The following UGT1A3 variants were observed in gnomAD, a reference collection of about 807,000 sequenced individuals.
The protein encoded by UGT1A3 is UDP glucuronosyltransferase family 1 member A3, also known as UDP-glucuronosyltransferase 1A3.
UGT1A3 carries 31 observed loss-of-function variants against 41.0 expected under a neutral mutation model. The observed-to-expected ratio is 0.76, with a 90% CI of 0.57 to 1.02. The LOEUF (loss-of-function observed/expected upper bound fraction) is 1.02. Ranked by LOEUF, UGT1A3 falls within the 50% of genes least tolerant of loss-of-function variation. The pLI, the probability that UGT1A3 is intolerant of heterozygous loss-of-function variation, is 0.00. For synonymous variants in UGT1A3, 262 were observed against 257.6 expected, an observed-to-expected ratio of 1.02 and a Z score of -0.17; for missense variants, 737 against 671.0, an observed-to-expected ratio of 1.10 and a Z score of -1.09.
chr2:233,771,098 A>C (rs1387885615), intron 4 of UGT1A3: 1 of 152,210 alleles, frequency 6.6e-6, no homozygotes, highest in Non-Finnish European at 1.5e-5. Flanking sequence ...TATCAGGAAG[A>C]CAGCACTAAA....
intron 1 of UGT1A3, among the ~76,000 whole-genome samples, chr2:233,746,735 T>A (rs1693464180): frequency 6.6e-6 from 1 of 151,806 alleles, no homozygotes; most frequent in African/African-American, 2.4e-5. Context: ...GGATTCTGCT[T>A]TGGTTCCAAA....
In UGT1A3 at chr2:233,761,002, CAG is replaced by C. The variant is rs797046091; in HGVS notation, c.868-6025_868-6024del. On this transcript the variant is annotated intron_variant, in intron 1 of 4. Coordinates refer to ENST00000482026, the MANE Select transcript of UGT1A3 (RefSeq NM_019093.4). The stretch of plus-strand genomic sequence containing the variant: ...TGCAACCCTTGCCTCAGAATTCCTT[CAG>C]AGAGAGGTGACTGTCCAGGACCTAT... The C allele has an allele frequency of 1.5e-5, 25 of 1,614,060 alleles. No individual in the cohort carries two copies. Among genetic ancestry groups the C allele is most frequent in the Non-Finnish European group, 2.0e-5 (24 of 1,180,054 alleles).
At chr2:233,760,058 T>C (rs749323547) in intron 1 of UGT1A3, among the ~76,000 whole-genome samples, 16 of 152,188 alleles carry the variant, frequency 1.1e-4, no homozygotes, top group Non-Finnish European at 2.1e-4. Context: ...CTCAAGAATG[T>C]GATTTGAGTA....
In UGT1A3 at chr2:233,729,914, T is replaced by C. The variant is rs774517230; in HGVS notation, c.788T>C (p.Met263Thr). The C allele has an allele frequency of 4.5e-5, 73 of 1,613,908 alleles. No individual in the cohort carries two copies. The highest frequency in any genetic ancestry group is 5.8e-5 in the Non-Finnish European group (68 of 1,179,914). The change falls in exon 1 of 5, where the codon ATG (methionine) becomes ACG (threonine). Residue 263 changes from methionine (M) to threonine (T), a missense_variant. Coordinates refer to ENST00000482026, the MANE Select transcript of UGT1A3 (RefSeq NM_019093.4). ...SVWLFRGDFVMDYPRPIMPNM... is the reference protein window; with the variant it reads ...SVWLFRGDFVTDYPRPIMPNM... ...TGGCTGTTCCGAGGGGACTTTGTGA[T>C]GGACTACCCCAGGCCAATCATGCCC...
chr2:233,768,737 C>A (rs947383404), intron 4 of UGT1A3, among the ~76,000 whole-genome samples: 9 of 151,868 alleles, frequency 5.9e-5, no homozygotes, highest in Admixed American at 5.2e-4. Flanking sequence ...TGTCCACCAC[C>A]ACGCCCGGTT....
At chr2:233,761,135 A>G (rs755308142) in intron 1 of UGT1A3, 1 of 1,614,240 alleles carries the variant, frequency 6.2e-7, no homozygotes. Context: ...TGCCTTCACC[A>G]AAATCCACTA....
At chr2:233,760,316 C>T in intron 1 of UGT1A3, 1 of 1,614,002 alleles carries the variant, frequency 6.2e-7, no homozygotes, top group South Asian at 1.1e-5. Flanking sequence ...GGCGGACGCC[C>T]ACTTGTCCTG....
Position 233,772,456 on chromosome 2 carries a change from T to C in UGT1A3, c.1502T>C (p.Leu501Pro), listed in dbSNP as rs763440969. ...ATTGGTTTCCTCTTGGCCGTCGTGCTGACAGTGGCCTTCATCACCTTTAAA... is the reference window on the plus strand; with the variant it reads ...ATTGGTTTCCTCTTGGCCGTCGTGCCGACAGTGGCCTTCATCACCTTTAAA... ...DVIGFLLAVV[L>P]TVAFITFKCC... Residue 501 changes from leucine to proline, a missense_variant, in exon 5 of 5, where the codon CTG (leucine) becomes CCG (proline). Physicochemically the swap from Leu to Pro is moderately conservative, Grantham distance 98. Coordinates refer to ENST00000482026, the MANE Select transcript of UGT1A3 (RefSeq NM_019093.4). The C allele has an allele frequency of 4.3e-6, 7 of 1,614,218 alleles. No individual in the cohort carries two copies. The highest frequency in any genetic ancestry group is 5.9e-6 in the Non-Finnish European group (7 of 1,180,044).
intron 1 of UGT1A3, among the ~76,000 whole-genome samples, chr2:233,732,817 G>A (rs1434078778): frequency 7.7e-6 from 1 of 130,138 alleles, no homozygotes; most frequent in Non-Finnish European, 1.6e-5. Flanking sequence ...GATTCCATAT[G>A]AACTTTAAAG....
At chr2:233,743,673 G>C (rs1692427758) in intron 1 of UGT1A3, 4 of 1,367,190 alleles carry the variant, frequency 2.9e-6, no homozygotes, top group Middle Eastern at 4.2e-4. Context: ...TCCTCGAAGG[G>C]CCTGCCGCCT....
intron 1 of UGT1A3, chr2:233,754,697 C>T (rs1559399199): frequency 1.4e-5 from 7 of 503,130 alleles, no homozygotes; most frequent in Admixed American, 1.2e-4. Flanking sequence ...CAGTGGAAGT[C>T]GACATGGACT....
chr2:233,747,316 C>T lies in UGT1A3; in HGVS notation c.867+17323C>T, dbSNP rs1693620953. The T allele has an allele frequency of 6.9e-6, 11 of 1,603,150 alleles. No homozygotes were observed. In the South Asian group the frequency reaches 1.2e-4, roughly 18 times the overall value. On this transcript the variant is annotated intron_variant, in intron 1 of 4. Coordinates refer to ENST00000482026, the MANE Select transcript of UGT1A3 (RefSeq NM_019093.4). ...TGAGAGTGGGAAGGTGCTGGTGGTA[C>T]CCATTGATGGCAGCCACTGGCTCGC... is the stretch of plus-strand genomic sequence containing the variant.
At chr2:233,764,368 C>T (rs546564495) in intron 1 of UGT1A3, among the ~76,000 whole-genome samples, 6 of 152,276 alleles carry the variant, frequency 3.9e-5, no homozygotes, top group Non-Finnish European at 8.8e-5. Context: ...TAGTAGCTGG[C>T]TCAGGTAGGA....
chr2:233,741,522 A>C (rs1173490557), intron 1 of UGT1A3: 1 of 151,908 alleles, frequency 6.6e-6, no homozygotes, highest in African/African-American at 2.4e-5. Flanking sequence ...AAGCCTTAAC[A>C]GTCTGTCTTA....
In UGT1A3 at chr2:233,769,577, T is replaced by C. The variant is rs780547888; in HGVS notation, c.1307+1138T>C. 1 of 1,612,862 alleles carries C rather than the reference T, an allele frequency of 6.2e-7. No homozygotes were observed. The highest frequency in any genetic ancestry group is 1.1e-5 in the South Asian group (1 of 91,064). ...ACAGATGTGAAGAGCTGGAGCATGTTCAGATGAGAGGAGACGGAACACGGG... is the reference window on the plus strand; with the variant it reads ...ACAGATGTGAAGAGCTGGAGCATGTCCAGATGAGAGGAGACGGAACACGGG... On this transcript the variant is annotated intron_variant, in intron 4 of 4. Transcript: ENST00000482026. The surrounding 1 kb of genome is among the most constrained non-coding windows in gnomAD (Gnocchi z 4.4).
At chr2:233,731,212 T>A (rs1194990804) in intron 1 of UGT1A3, among the ~76,000 whole-genome samples, 1 of 152,156 alleles carries the variant, frequency 6.6e-6, no homozygotes, top group Non-Finnish European at 1.5e-5. Context: ...TACGTGTTTA[T>A]TTAGATTTGT....
intron 1 of UGT1A3, among the ~76,000 whole-genome samples, chr2:233,762,341 A>C (rs1325926558): frequency 6.6e-6 from 1 of 152,206 alleles, no homozygotes; most frequent in Non-Finnish European, 1.5e-5. Flanking sequence ...AGCTCTTTTT[A>C]GTTCTTTGTA....
chr2:233,730,749 A>G (rs1471085496), intron 1 of UGT1A3, among the ~76,000 whole-genome samples: 3 of 152,116 alleles, frequency 2.0e-5, no homozygotes, highest in Non-Finnish European at 2.9e-5. Context: ...TAGGGAGGAG[A>G]TAAGACTGTG....
At position 233,729,918 on chromosome 2, in the gene UGT1A3, C is replaced by T. The variant is rs748265194; in HGVS notation, c.792C>T (p.Asp264=). ...TGTTCCGAGGGGACTTTGTGATGGA[C>T]TACCCCAGGCCAATCATGCCCAACA... is the stretch of plus-strand genomic sequence containing the variant. ...VWLFRGDFVM[D]YPRPIMPNMV... is the part of the protein sequence containing the mutation. Residue 264 remains aspartate (D), a synonymous_variant, in exon 1 of 5, where the codon GAC becomes GAT. Coordinates refer to ENST00000482026, the MANE Select transcript of UGT1A3 (RefSeq NM_019093.4). The T allele has an allele frequency of 6.2e-7, 1 of 1,613,918 alleles. No individual in the cohort carries two copies. The highest frequency in any genetic ancestry group is 1.3e-5 in the African/African-American group (1 of 74,910).
Sources: allele counts gnomAD v4.1 joint callset (sites outside exome capture counted in the v4.1 genomes callset), GRCh38; gene constraint gnomAD v4.1.1; non-coding constraint Gnocchi (gnomAD v3.1); transcripts MANE v1.5; gene names NCBI Gene and HGNC (gene_info 2026-07-23, HGNC 2026-07-21).